The following TBXAS1 variants were observed in gnomAD, a reference collection of about 807,000 sequenced individuals.
The protein encoded by TBXAS1 is thromboxane A synthase 1.
TBXAS1 carries 48 observed loss-of-function variants against 60.7 expected under a neutral mutation model. The observed-to-expected ratio is 0.79, with a 90% CI of 0.63 to 1.01. The LOEUF (loss-of-function observed/expected upper bound fraction) is 1.01. Among genes scored for constraint, TBXAS1 ranks in the 50% least tolerant of loss-of-function variants. The pLI is 0.00. For missense variants in TBXAS1, 685 were observed against 686.3 expected (o/e 1.00, Z 0.02); for synonymous variants, 287 against 269.7 (o/e 1.06, Z -0.63).
At chr7:139,986,806 TATATATATATAC>T (rs1569522837) in intron 9 of TBXAS1, among the ~76,000 whole-genome samples, 1 of 24,298 alleles carries the variant, frequency 4.1e-5, no homozygotes, top group Admixed American at 5.9e-4. Context: ...TGTGTATATA[TATATATATATAC>T]ACCATAGTTT....
chr7:139,832,650 C>T (rs1798784218), intron 1 of TBXAS1, among the ~76,000 whole-genome samples: 1 of 152,208 alleles, frequency 6.6e-6, no homozygotes, highest in African/African-American at 2.4e-5. Flanking sequence ...TGCCTAGGCA[C>T]ATTGTCATCA....
chr7:139,853,605 C>G (rs1800375846), intron 1 of TBXAS1, among the ~76,000 whole-genome samples: 1 of 151,714 alleles, frequency 6.6e-6, no homozygotes, highest in African/African-American at 2.4e-5. Flanking sequence ...GTAACTGTTT[C>G]CTTTTATTAC....
At chr7:139,882,376 T>A (rs917959009) in intron 3 of TBXAS1, among the ~76,000 whole-genome samples, 8 of 152,226 alleles carry the variant, frequency 5.3e-5, no homozygotes, top group Non-Finnish European at 1.0e-4. Flanking sequence ...AGACTTAAAT[T>A]GGGCAGCTGA....
chr7:139,928,297 G>C (rs548197351), intron 4 of TBXAS1, among the ~76,000 whole-genome samples: 16 of 152,284 alleles, frequency 1.1e-4, no homozygotes, highest in African/African-American at 2.9e-4. Flanking sequence ...GATTTTCAAA[G>C]TTGCATTCTT....
intron 4 of TBXAS1, among the ~76,000 whole-genome samples, chr7:139,807,161 T>C (rs1797898784): frequency 6.6e-6 from 1 of 152,212 alleles, no homozygotes; most frequent in South Asian, 2.1e-4. Context: ...AGCTCTTCCA[T>C]GTGGTCTCAG....
chr7:140,000,161 A>C (rs2116335378), intron 9 of TBXAS1, among the ~76,000 whole-genome samples: 1 of 152,280 alleles, frequency 6.6e-6, no homozygotes, highest in Non-Finnish European at 1.5e-5. Flanking sequence ...TTGCCCATAG[A>C]GTTAGTTCCC....
intron 10 of TBXAS1, among the ~76,000 whole-genome samples, chr7:140,011,600 T>G (rs1814625835): frequency 6.6e-6 from 1 of 152,070 alleles, no homozygotes; most frequent in Non-Finnish European, 1.5e-5. Flanking sequence ...AAACCCAAAT[T>G]TCCTTCCCTC....
At chr7:139,981,436 C>T (rs1348438638) in intron 9 of TBXAS1, among the ~76,000 whole-genome samples, 1 of 152,230 alleles carries the variant, frequency 6.6e-6, no homozygotes, top group Non-Finnish European at 1.5e-5. Context: ...GAATATTAAA[C>T]TAGCTGACCG....
At chr7:139,983,005 C>G (rs182107592) in intron 9 of TBXAS1, among the ~76,000 whole-genome samples, 8 of 152,272 alleles carry the variant, frequency 5.3e-5, no homozygotes, top group African/African-American at 1.9e-4. Context: ...ATTCTGGGAT[C>G]CACATTTACT....
intron 1 of TBXAS1, among the ~76,000 whole-genome samples, chr7:139,864,077 TA>T (rs766536895): frequency 5.3e-4 from 80 of 152,026 alleles, no homozygotes; most frequent in Admixed American, 1.6e-3. Flanking sequence ...GCCAATGTAA[TA>T]AGAAAAGAAA....
intron 9 of TBXAS1, among the ~76,000 whole-genome samples, chr7:139,984,941 A>G (rs201529540): frequency 3.1e-5 from 2 of 63,686 alleles, no homozygotes; most frequent in Admixed American, 2.0e-4. Flanking sequence ...AGAAAGAAAG[A>G]AAAGAAAAGA....
chr7:139,961,695 C>G (rs1473838946), intron 8 of TBXAS1, among the ~76,000 whole-genome samples: 1 of 152,214 alleles, frequency 6.6e-6, no homozygotes, highest in Non-Finnish European at 1.5e-5. Flanking sequence ...GCAGCCCAGG[C>G]TGCTCTTCAC....
At chr7:139,978,190 A>G (rs1811696164) in intron 9 of TBXAS1, among the ~76,000 whole-genome samples, 3 of 152,130 alleles carry the variant, frequency 2.0e-5, no homozygotes, top group Non-Finnish European at 4.4e-5. Flanking sequence ...TTCAATATCA[A>G]ATAATATTGA....
intron 4 of TBXAS1, among the ~76,000 whole-genome samples, chr7:139,818,745 T>C (rs983593019): frequency 6.6e-6 from 1 of 152,178 alleles, no homozygotes; most frequent in Admixed American, 6.5e-5. Flanking sequence ...TTGATTCAAG[T>C]AGAAACCACG....
intron 2 of TBXAS1, among the ~76,000 whole-genome samples, chr7:139,874,785 C>T (rs996459599): frequency 3.3e-5 from 5 of 152,280 alleles, no homozygotes; most frequent in Admixed American, 2.0e-4. Flanking sequence ...AACCCAGCTA[C>T]ACTTCTTTCC....
intron 4 of TBXAS1, among the ~76,000 whole-genome samples, chr7:139,821,754 G>A (rs1220128020): frequency 1.3e-5 from 2 of 152,200 alleles, no homozygotes; most frequent in Non-Finnish European, 2.9e-5. Flanking sequence ...CCATGGGGCC[G>A]AAGAGAGGGA....
intron 3 of TBXAS1, among the ~76,000 whole-genome samples, chr7:139,890,417 T>G (rs960039119): frequency 5.3e-5 from 8 of 151,562 alleles, no homozygotes; most frequent in Admixed American, 3.3e-4. Flanking sequence ...GGGTTTCACC[T>G]TGTTAGCCAG....
intron 4 of TBXAS1, among the ~76,000 whole-genome samples, chr7:139,814,148 C>G (rs1037304679): frequency 2.0e-5 from 3 of 152,164 alleles, no homozygotes; most frequent in Non-Finnish European, 4.4e-5. Flanking sequence ...AGCCACATTG[C>G]TATGTAGTGT....
At chr7:139,953,624 A>G in intron 6 of TBXAS1, 168 bp downstream of exon 6, 1 of 658,338 alleles carries the variant, frequency 1.5e-6, no homozygotes, top group Admixed American at 2.4e-5. Flanking sequence ...CCCACTTAAC[A>G]TGGGAAAGAG....
Sources: gnomAD v4.1 joint callset for allele counts (sites outside exome capture counted in the v4.1 genomes callset) on GRCh38, gnomAD v4.1.1 for gene constraint, MANE v1.5 for transcripts, NCBI Gene and HGNC (gene_info 2026-07-23, HGNC 2026-07-21) for gene names.